The following SH3PXD2A variants were observed in gnomAD, a reference collection of about 807,000 sequenced individuals.
SH3PXD2A encodes the protein SH3 and PX domain-containing protein 2A.
A neutral mutation model predicts 115.2 loss-of-function variants in SH3PXD2A; 32 were observed. The ratio of observed to expected loss-of-function variants is 0.28; its 90% confidence interval spans 0.21 to 0.37. The LOEUF (loss-of-function observed/expected upper bound fraction) is 0.37. Among genes scored for constraint, SH3PXD2A ranks in the 10% least tolerant of loss-of-function variants. SH3PXD2A has a pLI of 1.00. For missense variants in SH3PXD2A, 1,328 were observed against 1,498.7 expected (o/e 0.89, Z 1.88); for synonymous variants, 610 against 629.1 (o/e 0.97, Z 0.45).
chr10:103,720,901 C>A (rs1037796622), intron 5 of SH3PXD2A, among the ~76,000 whole-genome samples: 2 of 152,190 alleles, frequency 1.3e-5, no homozygotes, highest in African/African-American at 2.4e-5. Flanking sequence ...GGGCCGGGCC[C>A]GGGGAGGGGG....
rs564492757 is a variant in SH3PXD2A at position 103,805,008 on chromosome 10, G to A, written c.73-3646C>T. Among the ~76,000 whole-genome samples, 27 of 152,310 alleles carry A rather than the reference G, an allele frequency of 1.8e-4. No individual in the cohort carries two copies. The East Asian group carries it at 4.1e-3, about 23-fold the overall frequency. ...CCACCCCAGGAGCTAAATGTGAGGAGGGCCCAAGAGGCCAATCCGCCCCTG... is the reference window on the plus strand; with the variant it reads ...CCACCCCAGGAGCTAAATGTGAGGAAGGCCCAAGAGGCCAATCCGCCCCTG... On this transcript the variant is annotated intron_variant, in intron 1 of 14. Transcript: ENST00000369774.
chr10:103,694,722 G>A (rs1299781106), intron 5 of SH3PXD2A, among the ~76,000 whole-genome samples: 1 of 152,220 alleles, frequency 6.6e-6, no homozygotes, highest in Non-Finnish European at 1.5e-5. Flanking sequence ...GCCCAATCTG[G>A]GGAAGGGCTG....
intron 8 of SH3PXD2A, among the ~76,000 whole-genome samples, chr10:103,634,770 C>G (rs942762812): frequency 2.0e-5 from 3 of 152,152 alleles, no homozygotes; most frequent in Non-Finnish European, 2.9e-5. Context: ...GGTATTCAGT[C>G]AGAAAGACTC....
At chr10:103,726,934 T>C (rs553733850) in intron 4 of SH3PXD2A, among the ~76,000 whole-genome samples, 9 of 152,210 alleles carry the variant, frequency 5.9e-5, no homozygotes, top group Admixed American at 3.9e-4. Flanking sequence ...GTCTCTGAAA[T>C]AACACATCTC....
At chr10:103,678,039 A>C in intron 6 of SH3PXD2A, 1 of 1,047,854 alleles carries the variant, frequency 9.5e-7, no homozygotes, top group Non-Finnish European at 1.3e-6. Context: ...GGCTCCCAGC[A>C]TCTGCTTTAA....
chr10:103,756,762 G>A lies in SH3PXD2A; in HGVS notation c.229+10332C>T, dbSNP rs1227818892. Among the ~76,000 whole-genome samples, 1 of 152,090 alleles carries A rather than the reference G, an allele frequency of 6.6e-6. No individual in the cohort carries two copies. The highest frequency in any genetic ancestry group is 1.5e-5 in the Non-Finnish European group (1 of 68,012). The stretch of plus-strand genomic sequence containing the variant: ...CCACCCCACCACCTCCAATCCATCA[G>A]CATGGCCTCTTGGCTGTCCTTCTAA... On this transcript the variant is annotated intron_variant, in intron 3 of 14. Transcript: ENST00000369774. The surrounding 1 kb of genome is among the most constrained non-coding windows in gnomAD (Gnocchi z 4.4).
chr10:103,735,676 C>T (rs1263846318), intron 4 of SH3PXD2A, 56 bp downstream of exon 4: 1 of 1,358,974 alleles, frequency 7.4e-7, no homozygotes, highest in East Asian at 2.3e-5. Flanking sequence ...AAATGGGCCC[C>T]TCTCCTCCCT....
intron 7 of SH3PXD2A, among the ~76,000 whole-genome samples, chr10:103,664,964 C>A (rs374019576): frequency 6.6e-6 from 1 of 152,160 alleles, no homozygotes; most frequent in Non-Finnish European, 1.5e-5. Context: ...TAAGCCACCA[C>A]GCCTGGCCTA....
chr10:103,843,405 C>A (rs12573437), intron 1 of SH3PXD2A, among the ~76,000 whole-genome samples: 15,383 of 151,982 alleles, frequency 0.1, 783 homozygotes, highest in East Asian at 0.17. Context: ...TAAACTCCTC[C>A]ATGCTCCCTA....
At chr10:103,659,990 C>T (rs1460448771) in intron 8 of SH3PXD2A, among the ~76,000 whole-genome samples, 1 of 152,136 alleles carries the variant, frequency 6.6e-6, no homozygotes, top group Admixed American at 6.5e-5. Flanking sequence ...CACTGCTGTC[C>T]TATGCTTTGC....
chr10:103,715,725 C>T (rs375241176), intron 5 of SH3PXD2A, among the ~76,000 whole-genome samples: 6 of 152,220 alleles, frequency 3.9e-5, no homozygotes, highest in East Asian at 1.9e-4. Flanking sequence ...AGACATAAGC[C>T]GAGCAGTCGC....
rs1002993229 is a variant in SH3PXD2A, at chr10:103,724,028, C to G, written c.398+242G>C. On this transcript the variant is annotated intron_variant, in intron 5 of 14. Coordinates refer to ENST00000369774, the MANE Select transcript of SH3PXD2A (RefSeq NM_001394015.1). ...CAGAAAGAGTTTGTAGGAAAATCTGCTCCACAAATGCAGAGACACTCTTCC... is the reference window on the plus strand; with the variant it reads ...CAGAAAGAGTTTGTAGGAAAATCTGGTCCACAAATGCAGAGACACTCTTCC... Among the ~76,000 whole-genome samples, 6 of 152,176 alleles carry G rather than the reference C, an allele frequency of 3.9e-5. No homozygotes were observed. The East Asian group carries it at 1.2e-3, about 29-fold the overall frequency.
chr10:103,653,148 T>G (rs1026562630), intron 8 of SH3PXD2A, among the ~76,000 whole-genome samples: 1 of 152,202 alleles, frequency 6.6e-6, no homozygotes, highest in Non-Finnish European at 1.5e-5. Flanking sequence ...CTTGGTTTAC[T>G]TGTCACATGT....
At chr10:103,786,431 A>G (rs1192352378) in intron 2 of SH3PXD2A, among the ~76,000 whole-genome samples, 2 of 152,108 alleles carry the variant, frequency 1.3e-5, no homozygotes, top group African/African-American at 4.8e-5. Context: ...TAAGGAGGCT[A>G]ATGGAGGAGG....
intron 1 of SH3PXD2A, among the ~76,000 whole-genome samples, chr10:103,851,113 T>C (rs1221285644): frequency 6.7e-6 from 1 of 149,674 alleles, no homozygotes; most frequent in Non-Finnish European, 1.5e-5. Context: ...CACATTCTCA[T>C]TCCTGTGGGG....
At chr10:103,735,491 G>A (rs186135996) in intron 4 of SH3PXD2A, among the ~76,000 whole-genome samples, 5 of 152,308 alleles carry the variant, frequency 3.3e-5, no homozygotes, top group Admixed American at 3.3e-4. Flanking sequence ...ACTGTGTTTT[G>A]TAAACATGGA....
chr10:103,622,662 G>C, intron 9 of SH3PXD2A, 109 bp from the exon 10 acceptor site: 1 of 683,240 alleles, frequency 1.5e-6, no homozygotes, highest in Non-Finnish European at 2.6e-6. Context: ...AGGGAGGGGA[G>C]GCCCACACTT....
chr10:103,720,047 A>G (rs1414982861), intron 5 of SH3PXD2A, among the ~76,000 whole-genome samples: 1 of 152,168 alleles, frequency 6.6e-6, no homozygotes, highest in Non-Finnish European at 1.5e-5. Context: ...AAAAACAGAA[A>G]TTTATTGCTC....
At chr10:103,655,347 G>A (rs1213877659) in intron 8 of SH3PXD2A, among the ~76,000 whole-genome samples, 1 of 152,316 alleles carries the variant, frequency 6.6e-6, no homozygotes, top group African/African-American at 2.4e-5. Flanking sequence ...AAACAGCCTA[G>A]CCTATCTTTG....
Sources: allele counts gnomAD v4.1 joint callset (sites outside exome capture counted in the v4.1 genomes callset), GRCh38; gene constraint gnomAD v4.1.1; non-coding constraint Gnocchi (gnomAD v3.1); transcripts MANE v1.5; gene names NCBI Gene and HGNC (gene_info 2026-07-23, HGNC 2026-07-21).